The following COL26A1 variants were observed in gnomAD, a reference collection of about 807,000 sequenced individuals.
COL26A1 encodes the protein collagen type XXVI alpha 1 chain.
COL26A1 carries 41 observed loss-of-function variants against 59.3 expected under a neutral mutation model. The observed-to-expected ratio is 0.69, with a 90% confidence interval of 0.54 to 0.90. The LOEUF (loss-of-function observed/expected upper bound fraction) is 0.90. COL26A1 is among the 40% of genes least tolerant of loss of function. COL26A1 has a pLI of 0.00. For synonymous variants in COL26A1, 266 were observed against 256.0 expected, an observed-to-expected ratio of 1.04 and a Z score of -0.37; for missense variants, 612 against 602.3, an observed-to-expected ratio of 1.02 and a Z score of -0.17.
intron 1 of COL26A1, among the ~76,000 whole-genome samples, chr7:101,387,105 T>TG (rs1791595222): frequency 6.6e-6 from 1 of 152,004 alleles, no homozygotes; most frequent in Non-Finnish European, 1.5e-5. Context: ...GGGGTGCCAC[T>TG]GGGAAAGGCA....
chr7:101,380,452 G>A (rs185670169), intron 1 of COL26A1, among the ~76,000 whole-genome samples: 1 of 152,000 alleles, frequency 6.6e-6, no homozygotes, highest in East Asian at 1.9e-4. Context: ...GCACTACCAC[G>A]CCTGGCTAAT....
At chr7:101,368,234 C>T (rs979414378) in intron 1 of COL26A1, among the ~76,000 whole-genome samples, 6 of 152,160 alleles carry the variant, frequency 3.9e-5, no homozygotes, top group East Asian at 1.9e-4. Context: ...GAAATCACAA[C>T]GTCTGGTTGT....
chr7:101,403,922 C>A (rs572436011), intron 1 of COL26A1, among the ~76,000 whole-genome samples: 1 of 152,048 alleles, frequency 6.6e-6, no homozygotes, highest in Non-Finnish European at 1.5e-5. Context: ...ATGGTGAAAC[C>A]CTGTCTCTAC....
rs182279583 is a variant in COL26A1, at chr7:101,433,894, C to A, written c.282-13790C>A. On this transcript the variant is annotated intron_variant, in intron 2 of 12. Transcript: ENST00000313669. ...TGTCCTCATCTCATTATTCCCAGGACTTTACTACATGGACCAGCACATTGA... is the reference window on the plus strand; with the variant it reads ...TGTCCTCATCTCATTATTCCCAGGAATTTACTACATGGACCAGCACATTGA... Among the ~76,000 whole-genome samples the A allele has an allele frequency of 1.9e-3, 295 of 152,216 alleles. 2 individuals carry two copies. Among genetic ancestry groups the A allele is most frequent in the African/African-American group, 6.6e-3 (275 of 41,558 alleles).
At chr7:101,463,484 CT>C (rs1016752818) in intron 3 of COL26A1, among the ~76,000 whole-genome samples, 9 of 150,782 alleles carry the variant, frequency 6.0e-5, no homozygotes, top group African/African-American at 2.2e-4. Context: ...GCAAATATCC[CT>C]TCCCTCCCCT....
At chr7:101,461,205 G>C (rs1032766573) in intron 3 of COL26A1, among the ~76,000 whole-genome samples, 1 of 151,996 alleles carries the variant, frequency 6.6e-6, no homozygotes, top group Non-Finnish European at 1.5e-5. Context: ...TGCCAAGGCT[G>C]GTCTCGAATT....
chr7:101,542,184 C>T (rs995861180), intron 5 of COL26A1, among the ~76,000 whole-genome samples: 3 of 152,096 alleles, frequency 2.0e-5, no homozygotes, highest in African/African-American at 7.2e-5. Context: ...CCAGGCTGGT[C>T]TTGAACTCCT....
intron 3 of COL26A1, among the ~76,000 whole-genome samples, chr7:101,492,711 TA>T (rs1329149917): frequency 2.3e-5 from 1 of 43,696 alleles, no homozygotes; most frequent in Non-Finnish European, 4.2e-5. Flanking sequence ...AATAAATAAA[TA>T]AATAAATAAA....
chr7:101,557,439 G>A lies in COL26A1; in HGVS notation c.1235G>A (p.Arg412Lys), dbSNP rs767638163. ...CTGAGAGCCAACCTCAAGATGAAGA[G>A]GGGTGGCGCCCAACCCGATGGGGTC... ...AALRANLKMKRGGAQPDGVLA... is the reference protein window; with the variant it reads ...AALRANLKMKKGGAQPDGVLA... The change falls in exon 13 of 13, where the codon AGG becomes AAG. Residue 412 changes from arginine to lysine, a missense_variant. Physicochemically the swap from Arg to Lys is conservative, Grantham distance 26. Coordinates refer to ENST00000313669, the MANE Select transcript of COL26A1 (RefSeq NM_001278563.3). 1.2e-6 allele frequency: 2 copies of A among 1,613,614 alleles called. No individual in the cohort carries two copies. Among genetic ancestry groups the A allele is most frequent in the Admixed American group, 3.3e-5 (2 of 59,994 alleles).
Position 101,544,009 on chromosome 7 carries a change from C to A in COL26A1, c.616C>A (p.Gln206Lys), listed in dbSNP as rs767725548. 6.3e-7 allele frequency: 1 copy of A among 1,578,074 alleles called. No homozygotes were observed. The highest frequency in any genetic ancestry group is 1.3e-5 in the African/African-American group (1 of 74,342). ...RPTGPAGPPGQTGPPGPAGPP... is the reference protein window; with the variant it reads ...RPTGPAGPPGKTGPPGPAGPP... ...CCTTCTCTCCCCAGGGCCCCCGGGG[C>A]AGACAGGACCACCAGGGCCTGCAGG... is the stretch of plus-strand genomic sequence containing the variant. Residue 206 changes from glutamine to lysine, a missense_variant, in exon 6 of 13, where the codon CAG becomes AAG. Physicochemically the swap from Gln to Lys is moderately conservative, Grantham distance 53. Coordinates refer to ENST00000313669, the MANE Select transcript of COL26A1 (RefSeq NM_001278563.3).
At position 101,528,049 on chromosome 7, in the gene COL26A1, C is replaced by T. The variant is rs536091726; in HGVS notation, c.386-5033C>T. ...ATGAAAATCCCGTCCGGTTCTGGAG[C>T]GCCTGCCCGGGGATGGGGGTGGTGT... is the stretch of plus-strand genomic sequence containing the variant. On this transcript the variant is annotated intron_variant, in intron 3 of 12. Coordinates refer to ENST00000313669, the MANE Select transcript of COL26A1 (RefSeq NM_001278563.3). 2.0e-5 allele frequency among the ~76,000 whole-genome samples: 3 copies of T among 152,292 alleles called. No individual in the cohort carries two copies. In the South Asian group the frequency reaches 6.2e-4, roughly 32 times the overall value.
At chr7:101,498,108 T>TG (rs1197837886) in intron 3 of COL26A1, among the ~76,000 whole-genome samples, 1 of 152,230 alleles carries the variant, frequency 6.6e-6, no homozygotes. Flanking sequence ...TTGTAAAGGT[T>TG]GAAGCAGAGG....
chr7:101,477,149 T>C (rs1013195842), intron 3 of COL26A1, among the ~76,000 whole-genome samples: 1 of 151,994 alleles, frequency 6.6e-6, no homozygotes, highest in Non-Finnish European at 1.5e-5. Context: ...CGGCCTCTGG[T>C]TACTTTTTTG....
intron 2 of COL26A1, among the ~76,000 whole-genome samples, chr7:101,445,880 T>C (rs1793181251): frequency 6.6e-6 from 1 of 150,716 alleles, no homozygotes; most frequent in Non-Finnish European, 1.5e-5. Flanking sequence ...AAACCCTGTC[T>C]CTACTAAAAG....
chr7:101,534,501 TACAG>T (rs1025893154), intron 4 of COL26A1, among the ~76,000 whole-genome samples: 3 of 151,700 alleles, frequency 2.0e-5, no homozygotes, highest in African/African-American at 7.3e-5. Flanking sequence ...TATATACACA[TACAG>T]ACACACACAT....
At chr7:101,481,020 G>A (rs1045821367) in intron 3 of COL26A1, among the ~76,000 whole-genome samples, 8 of 151,964 alleles carry the variant, frequency 5.3e-5, no homozygotes, top group African/African-American at 1.9e-4. Context: ...GTGGGTTTCT[G>A]GATAAATGCT....
At chr7:101,404,875 C>G (rs949179832) in intron 1 of COL26A1, among the ~76,000 whole-genome samples, 1 of 152,138 alleles carries the variant, frequency 6.6e-6, no homozygotes, top group Non-Finnish European at 1.5e-5. Flanking sequence ...GCACCCCAGC[C>G]TGGGTCACAG....
intron 3 of COL26A1, among the ~76,000 whole-genome samples, chr7:101,512,838 A>AATT (rs1183337484): frequency 9.9e-5 from 15 of 152,264 alleles, no homozygotes; most frequent in Non-Finnish European, 2.1e-4. Flanking sequence ...ACAGATTAGA[A>AATT]GATAATAGAG....
chr7:101,369,028 T>C (rs189974317), intron 1 of COL26A1, among the ~76,000 whole-genome samples: 1 of 152,192 alleles, frequency 6.6e-6, no homozygotes, highest in Non-Finnish European at 1.5e-5. Context: ...CCTCCTCCTT[T>C]TCTTACACAG....
Sources: allele counts gnomAD v4.1 joint callset (sites outside exome capture counted in the v4.1 genomes callset), GRCh38; gene constraint gnomAD v4.1.1; transcripts MANE v1.5; gene names NCBI Gene and HGNC (gene_info 2026-07-23, HGNC 2026-07-21).